The following PNPLA1 variants were observed in gnomAD, a reference collection of about 807,000 sequenced individuals.
The protein encoded by PNPLA1 is omega-hydroxyceramide transacylase.
PNPLA1 carries 36 observed loss-of-function variants against 51.7 expected under a neutral mutation model. The observed-to-expected ratio is 0.70, with a 90% CI of 0.53 to 0.92. The LOEUF (loss-of-function observed/expected upper bound fraction) is 0.92, where lower values mean the gene tolerates loss of function less well. Ranked by LOEUF, PNPLA1 falls within the 40% of genes least tolerant of loss-of-function variation. The probability of loss-of-function intolerance (pLI) is 0.00; values close to 1 mark genes in which losing one functional copy is unlikely to be tolerated. For missense variants in PNPLA1, 658 were observed against 682.5 expected (o/e 0.96, Z 0.40); for synonymous variants, 293 against 280.1 (o/e 1.05, Z -0.46).
intron 6 of PNPLA1, among the ~76,000 whole-genome samples, chr6:36,302,676 C>T (rs762593158): frequency 2.0e-5 from 3 of 152,204 alleles, no homozygotes; most frequent in Non-Finnish European, 4.4e-5. Flanking sequence ...TGCAGTGCTT[C>T]TCAAAGTGCG....
Position 36,294,827 on chromosome 6 carries a change from A to G in PNPLA1, c.714+428A>G, listed in dbSNP as rs572250770. On this transcript the variant is annotated intron_variant, in intron 4 of 8. Transcript: ENST00000636260. This position sits in a 1 kb window ranked among gnomAD's most constrained non-coding sequence, Gnocchi z 4.2. ...GAAAAAAAGAAGAAAAAGAAAAAGAACATTAGGCAGAGACTGCATGTGGCC... is the reference window on the plus strand; with the variant it reads ...GAAAAAAAGAAGAAAAAGAAAAAGAGCATTAGGCAGAGACTGCATGTGGCC... Among the ~76,000 whole-genome samples the G allele has an allele frequency of 5.4e-4, 83 of 152,344 alleles. No individual in the cohort carries two copies. The highest frequency in any genetic ancestry group is 8.2e-4 in the Non-Finnish European group (56 of 68,026).
chr6:36,304,530 G>A lies in PNPLA1; in HGVS notation c.1385-1762G>A, dbSNP rs564207206. 1.6e-4 allele frequency among the ~76,000 whole-genome samples: 25 copies of A among 151,834 alleles called. No homozygotes were observed. The South Asian group carries it at 4.6e-3, about 28-fold the overall frequency. On this transcript the variant is annotated intron_variant, in intron 6 of 8. Transcript: ENST00000636260. ...CAGTCCCAGCTACTCAAGAGGCTGA[G>A]GCAGGAGGATCACTTGAACCTGGGA...
chr6:36,294,114 T>C lies in PNPLA1; in HGVS notation c.505-76T>C, dbSNP rs1378586803. 6 of 1,534,116 alleles carry C rather than the reference T, an allele frequency of 3.9e-6. No homozygotes were observed. The highest frequency in any genetic ancestry group is 1.4e-5 in the African/African-American group (1 of 73,124). On this transcript the variant is annotated intron_variant, in intron 3 of 8. Coordinates refer to ENST00000636260, the MANE Select transcript of PNPLA1 (RefSeq NM_001374623.1). The surrounding 1 kb of genome is among the most constrained non-coding windows in gnomAD (Gnocchi z 4.2). Reference sequence around the variant, plus strand: ...CCCTTGAAGCTGGTGCCATATCCCATGGGCCATTTCGATGTACCCCGAGTG... The same window carrying C: ...CCCTTGAAGCTGGTGCCATATCCCACGGGCCATTTCGATGTACCCCGAGTG...
chr6:36,260,430 T>G (rs1476822473), intron 1 of PNPLA1, among the ~76,000 whole-genome samples: 2 of 152,244 alleles, frequency 1.3e-5, no homozygotes, highest in Non-Finnish European at 2.9e-5. Flanking sequence ...ATTTTACTTT[T>G]ACTTTGCTAT....
At chr6:36,252,659 G>A (rs149350848) in intron 1 of PNPLA1, among the ~76,000 whole-genome samples, 4 of 152,204 alleles carry the variant, frequency 2.6e-5, no homozygotes, top group Non-Finnish European at 4.4e-5. Context: ...GTGTGCTGTC[G>A]GAGTTGTGAA....
intron 6 of PNPLA1, 111 bp downstream of exon 6, chr6:36,302,580 A>G: frequency 2.2e-6 from 3 of 1,386,198 alleles, no homozygotes; most frequent in Non-Finnish European, 1.9e-6. Flanking sequence ...GGCTGAAGTT[A>G]GCAGTGAGCT....
rs1771447460 is a variant in PNPLA1, at chr6:36,313,379, C to A, written c.*1493C>A. ...CAAGGAAGCCCCAGCTGCCCACAGG[C>A]CTCAGGTACATTTGCTTACCAAATC... On this transcript the variant is annotated 3_prime_UTR_variant, in exon 9 of 9. Transcript: ENST00000636260. Among the ~76,000 whole-genome samples the A allele has an allele frequency of 6.6e-6, 1 of 152,284 alleles. No homozygotes were observed. Among genetic ancestry groups the A allele is most frequent in the South Asian group, 2.1e-4 (1 of 4,822 alleles).
chr6:36,276,513 G>T (rs1024307727), intron 1 of PNPLA1, among the ~76,000 whole-genome samples: 154 of 152,330 alleles, frequency 1.0e-3, no homozygotes, highest in African/African-American at 3.6e-3. Context: ...CCTAGGAGGG[G>T]TGGTCTCCGT....
intron 5 of PNPLA1, among the ~76,000 whole-genome samples, chr6:36,300,178 TGAGAGAGAGAGAGAGAGAGA>T (rs71548136): frequency 1.1e-4 from 11 of 98,142 alleles, no homozygotes; most frequent in African/African-American, 3.3e-4. Context: ...TGTGTGTGTG[TGAGAGAGAGAGAGAGAGAGA>T]GAGAGAGAGA....
At chr6:36,304,262 C>T (rs971275252) in intron 6 of PNPLA1, among the ~76,000 whole-genome samples, 1 of 152,072 alleles carries the variant, frequency 6.6e-6, no homozygotes, top group Non-Finnish European at 1.5e-5. Context: ...AATGTCTCCT[C>T]ATCTGGGAAT....
chr6:36,302,584 G>A, intron 6 of PNPLA1, 115 bp downstream of exon 6: 1 of 1,364,844 alleles, frequency 7.3e-7, no homozygotes, highest in Non-Finnish European at 9.9e-7. Context: ...GAAGTTAGCA[G>A]TGAGCTTTAG....
chr6:36,282,073 G>GAA (rs1391715214), intron 1 of PNPLA1, among the ~76,000 whole-genome samples: 1 of 122,650 alleles, frequency 8.2e-6, no homozygotes, highest in East Asian at 2.3e-4. Context: ...AAGAAAGAAA[G>GAA]AAAGAAAGAA....
At chr6:36,255,321 A>G (rs1671078685) in intron 1 of PNPLA1, among the ~76,000 whole-genome samples, 1 of 152,178 alleles carries the variant, frequency 6.6e-6, no homozygotes, top group East Asian at 1.9e-4. Flanking sequence ...CCTGACCAAC[A>G]TGGAAAAACC....
At chr6:36,250,874 T>G (rs892160084) in intron 1 of PNPLA1, among the ~76,000 whole-genome samples, 4 of 152,248 alleles carry the variant, frequency 2.6e-5, no homozygotes, top group Non-Finnish European at 5.9e-5. Flanking sequence ...CAGCTAATTT[T>G]TGTATTTTTA....
chr6:36,280,652 G>C lies in PNPLA1; in HGVS notation c.205+9988G>C, dbSNP rs551809133. Among the ~76,000 whole-genome samples the C allele has an allele frequency of 4.7e-4, 71 of 152,260 alleles. 1 individual carries two copies. Among genetic ancestry groups the C allele is most frequent in the African/African-American group, 1.7e-3 (70 of 41,542 alleles). On this transcript the variant is annotated intron_variant, in intron 1 of 8. Transcript: ENST00000636260. ...CCTGCCAGTTTCTTGTCTGATAACA[G>C]TCCCCACAGTTACCACATCATCAGC...
chr6:36,262,011 C>G (rs1769659985), intron 1 of PNPLA1, among the ~76,000 whole-genome samples: 1 of 152,166 alleles, frequency 6.6e-6, no homozygotes, highest in South Asian at 2.1e-4. Context: ...GGCTTTTTAT[C>G]CTCTGGGGAG....
intron 1 of PNPLA1, among the ~76,000 whole-genome samples, chr6:36,287,280 A>C (rs535030970): frequency 6.6e-6 from 1 of 152,138 alleles, no homozygotes; most frequent in African/African-American, 2.4e-5. Context: ...GTTTCTGAGG[A>C]GCTTCCTATG....
rs948358146 is a variant in PNPLA1, at chr6:36,313,106, G to T, written c.*1220G>T. Among the ~76,000 whole-genome samples, 2 of 152,196 alleles carry T rather than the reference G, an allele frequency of 1.3e-5. No homozygotes were observed. The highest frequency in any genetic ancestry group is 4.1e-4 in the South Asian group (2 of 4,824). On this transcript the variant is annotated 3_prime_UTR_variant, in exon 9 of 9. Transcript: ENST00000636260. Reference sequence around the variant, plus strand: ...ATTGAGATCTTTAGAGCTCCCCCGGGATTATGTGGTGCTGTGGTGTTGAGA... The same window carrying T: ...ATTGAGATCTTTAGAGCTCCCCCGGTATTATGTGGTGCTGTGGTGTTGAGA...
intron 1 of PNPLA1, among the ~76,000 whole-genome samples, chr6:36,290,574 A>T (rs1197368628): frequency 6.6e-6 from 1 of 152,234 alleles, no homozygotes; most frequent in East Asian, 1.9e-4. Flanking sequence ...AGCACTTCTT[A>T]TTAAGCTTAC....
Sources: allele counts gnomAD v4.1 joint callset (sites outside exome capture counted in the v4.1 genomes callset), GRCh38; gene constraint gnomAD v4.1.1; non-coding constraint Gnocchi (gnomAD v3.1); transcripts MANE v1.5; gene names NCBI Gene and HGNC (gene_info 2026-07-23, HGNC 2026-07-21).